The following HDAC9 variants were observed in gnomAD, a reference collection of about 807,000 sequenced individuals.
HDAC9 encodes the protein MEF-2 interacting transcription repressor (MITR) protein.
A neutral mutation model predicts 139.4 loss-of-function variants in HDAC9; 41 were observed. The ratio of observed to expected loss-of-function variants is 0.29; its 90% CI spans 0.23 to 0.38. HDAC9 has a LOEUF of 0.38. HDAC9 is among the 10% of genes least tolerant of loss of function. HDAC9 has a pLI of 1.00. For synonymous variants in HDAC9, 517 were observed against 476.2 expected (o/e 1.09, Z -1.12); for missense variants, 1,147 against 1,297.0 (o/e 0.88, Z 1.78).
chr7:18,568,020 G>GTGTGTATATATATATATATA (rs1402833122), intron 2 of HDAC9, among the ~76,000 whole-genome samples: 6 of 48,848 alleles, frequency 1.2e-4, no homozygotes, highest in African/African-American at 7.3e-4. Flanking sequence ...CAGGATATAT[G>GTGTGTATATATATATATATA]TATATGTATA....
At chr7:18,754,599 ATAAG>A (rs1020525831) in intron 14 of HDAC9, among the ~76,000 whole-genome samples, 1 of 152,156 alleles carries the variant, frequency 6.6e-6, no homozygotes. Context: ...CGCTTAATTC[ATAAG>A]TAAGAACCAT....
intron 21 of HDAC9, among the ~76,000 whole-genome samples, chr7:18,848,511 C>T (rs545254200): frequency 5.1e-4 from 77 of 151,904 alleles, no homozygotes; most frequent in African/African-American, 1.8e-3. Flanking sequence ...CACACCGAGG[C>T]AAGGCTATGG....
intron 1 of HDAC9, among the ~76,000 whole-genome samples, chr7:18,371,472 T>A (rs1006693333): frequency 1.3e-5 from 2 of 152,190 alleles, no homozygotes; most frequent in African/African-American, 2.4e-5. Context: ...TCTCACTGAT[T>A]CTAACATTCT....
intron 22 of HDAC9, among the ~76,000 whole-genome samples, chr7:18,927,106 T>G (rs1804301581): frequency 6.6e-6 from 1 of 152,180 alleles, no homozygotes; most frequent in Admixed American, 6.6e-5. Flanking sequence ...CCAGATAATA[T>G]ATATCTTTAC....
intron 17 of HDAC9, among the ~76,000 whole-genome samples, chr7:18,826,187 T>C (rs1367610962): frequency 1.3e-5 from 2 of 152,044 alleles, no homozygotes; most frequent in African/African-American, 4.8e-5. Flanking sequence ...TTTTTCTGAG[T>C]GATACAATTC....
At chr7:18,455,760 A>G (rs1232641409) in intron 1 of HDAC9, among the ~76,000 whole-genome samples, 2 of 152,160 alleles carry the variant, frequency 1.3e-5, no homozygotes, top group Non-Finnish European at 2.9e-5. Flanking sequence ...TCTCCACCAT[A>G]AATTATTGAA....
chr7:18,240,270 T>G (rs1268235015), intron 2 of HDAC9, among the ~76,000 whole-genome samples: 5 of 152,124 alleles, frequency 3.3e-5, no homozygotes, highest in African/African-American at 1.2e-4. Context: ...CATAGCTGTT[T>G]AGAATTTTGA....
chr7:18,770,569 G>A (rs1251910041), intron 16 of HDAC9, among the ~76,000 whole-genome samples: 1 of 152,126 alleles, frequency 6.6e-6, no homozygotes, highest in Non-Finnish European at 1.5e-5. Context: ...GCAAGGACGA[G>A]CAGGCTTTTA....
At chr7:18,412,342 A>G (rs539353035) in intron 1 of HDAC9, among the ~76,000 whole-genome samples, 7 of 152,346 alleles carry the variant, frequency 4.6e-5, no homozygotes, top group Middle Eastern at 3.4e-3. Context: ...TGAAAAAACT[A>G]TAATAACAAA....
intron 2 of HDAC9, chr7:18,543,621 A>G (rs892567326): frequency 2.0e-5 from 3 of 152,284 alleles, no homozygotes; most frequent in Middle Eastern, 6.8e-3. Flanking sequence ...TTGAGATACC[A>G]CTAAATGCCA....
chr7:18,426,729 T>C (rs1790150390), intron 1 of HDAC9, among the ~76,000 whole-genome samples: 1 of 152,338 alleles, frequency 6.6e-6, no homozygotes, highest in South Asian at 2.1e-4. Flanking sequence ...CTGCAAATGA[T>C]TGCCTTTATT....
intron 1 of HDAC9, chr7:18,290,629 A>G (rs1797745717): frequency 7.0e-6 from 3 of 426,568 alleles, no homozygotes; most frequent in Non-Finnish European, 1.4e-5. Flanking sequence ...GTGGAAAGAT[A>G]AACTTGTCAT....
At chr7:18,890,249 A>G (rs1380756513) in intron 22 of HDAC9, among the ~76,000 whole-genome samples, 1 of 152,230 alleles carries the variant, frequency 6.6e-6, no homozygotes, top group African/African-American at 2.4e-5. Flanking sequence ...TAATGCCTGC[A>G]TAGCAACTCT....
At chr7:18,533,743 A>G (rs1809863207) in intron 2 of HDAC9, among the ~76,000 whole-genome samples, 1 of 151,938 alleles carries the variant, frequency 6.6e-6, no homozygotes, top group African/African-American at 2.4e-5. Context: ...CCTTTCTTTA[A>G]TATAACTTCT....
intron 22 of HDAC9, among the ~76,000 whole-genome samples, chr7:18,904,786 A>G (rs1378622178): frequency 6.6e-6 from 1 of 152,032 alleles, no homozygotes; most frequent in African/African-American, 2.4e-5. Context: ...CATGTTAGCC[A>G]GGATGGTCTC....
intron 12 of HDAC9, among the ~76,000 whole-genome samples, chr7:18,721,827 G>C (rs1179235269): frequency 6.6e-6 from 1 of 152,030 alleles, no homozygotes; most frequent in Admixed American, 6.6e-5. Context: ...TTAGCACTTC[G>C]TAGTCTCCAT....
At chr7:18,446,497 C>G (rs184668988) in intron 1 of HDAC9, among the ~76,000 whole-genome samples, 1 of 152,118 alleles carries the variant, frequency 6.6e-6, no homozygotes, top group Non-Finnish European at 1.5e-5. Flanking sequence ...TCTCATATAA[C>G]GTATATTCAA....
At chr7:18,977,763 TTTTTC>T (rs1295822926) in intron 25 of HDAC9, among the ~76,000 whole-genome samples, 3 of 152,156 alleles carry the variant, frequency 2.0e-5, no homozygotes, top group Non-Finnish European at 2.9e-5. Context: ...TTGTGATTGA[TTTTTC>T]TTGTGGGAAG....
chr7:18,171,723 G>A (rs754584483), intron 2 of HDAC9, among the ~76,000 whole-genome samples: 1 of 152,074 alleles, frequency 6.6e-6, no homozygotes, highest in Non-Finnish European at 1.5e-5. Context: ...TTTGTCATTG[G>A]TTCTGTTTAT....
Sources: allele counts gnomAD v4.1 joint callset (sites outside exome capture counted in the v4.1 genomes callset), GRCh38; gene constraint gnomAD v4.1.1; transcripts MANE v1.5; gene names NCBI Gene and HGNC (gene_info 2026-07-23, HGNC 2026-07-21).